The following CFAP299 variants were observed in gnomAD, a reference collection of about 807,000 sequenced individuals.
CFAP299 encodes the protein cilia and flagella associated protein 299.
Under a neutral mutation model 27.0 loss-of-function variants are expected in CFAP299, and 21 were observed. The ratio of observed to expected loss-of-function variants is 0.78; its 90% CI spans 0.55 to 1.12. CFAP299 has a LOEUF of 1.12. Among genes scored for constraint, CFAP299 ranks in the 50% most tolerant of loss-of-function variants. CFAP299 has a pLI of 0.00. For synonymous variants in CFAP299, 104 were observed against 98.1 expected, an observed-to-expected ratio of 1.06 and a Z score of -0.36; for missense variants, 310 against 276.6, an observed-to-expected ratio of 1.12 and a Z score of -0.86.
intron 4 of CFAP299, among the ~76,000 whole-genome samples, chr4:80,919,729 G>A (rs890607783): frequency 1.3e-5 from 2 of 152,092 alleles, no homozygotes; most frequent in Non-Finnish European, 2.9e-5. Context: ...TACATTAAGT[G>A]TAAATTATTC....
At chr4:80,863,039 A>T (rs1300627531) in intron 3 of CFAP299, among the ~76,000 whole-genome samples, 1 of 152,112 alleles carries the variant, frequency 6.6e-6, no homozygotes, top group Non-Finnish European at 1.5e-5. Context: ...CATTCAAGAG[A>T]TTTAAAATTC....
chr4:80,710,578 CT>C (rs5859734), intron 3 of CFAP299, among the ~76,000 whole-genome samples: 8 of 138,888 alleles, frequency 5.8e-5, no homozygotes, highest in African/African-American at 8.0e-5. Flanking sequence ...AGAAATAAGA[CT>C]TTTTTTTTTT....
chr4:80,525,893 T>C (rs1733151554), intron 2 of CFAP299, among the ~76,000 whole-genome samples: 1 of 152,212 alleles, frequency 6.6e-6, no homozygotes, highest in South Asian at 2.1e-4. Context: ...ATAACCTGTA[T>C]GAACAAAGGG....
intron 2 of CFAP299, among the ~76,000 whole-genome samples, chr4:80,454,424 A>G (rs1235962104): frequency 6.6e-6 from 1 of 152,218 alleles, no homozygotes; most frequent in African/African-American, 2.4e-5. Context: ...GAACATGGAC[A>G]GCTGGTATTG....
intron 3 of CFAP299, among the ~76,000 whole-genome samples, chr4:80,863,644 A>C (rs954702211): frequency 1.3e-5 from 2 of 152,126 alleles, no homozygotes; most frequent in Non-Finnish European, 2.9e-5. Flanking sequence ...ATGGTTAACC[A>C]AAAACTAGTA....
intron 4 of CFAP299, among the ~76,000 whole-genome samples, chr4:80,893,223 A>C (rs1299271710): frequency 6.6e-6 from 1 of 151,568 alleles, no homozygotes; most frequent in East Asian, 1.9e-4. Context: ...ACATTGATGA[A>C]AGAAATTGAA....
intron 1 of CFAP299, among the ~76,000 whole-genome samples, chr4:80,338,468 T>A (rs1001669911): frequency 2.6e-4 from 39 of 152,158 alleles, no homozygotes; most frequent in African/African-American, 9.4e-4. Context: ...GTCACAAGAT[T>A]TTTTTTTGGT....
rs1164692642 is a variant in CFAP299 at position 80,944,804 on chromosome 4, T to G, written c.477-6T>G. ...CTTAATTCCTAATAAATGTTTATTT[T>G]TATAGCTTTTACAACTGGGACGCTG... is the stretch of plus-strand genomic sequence containing the variant. On this transcript the variant is annotated splice_region_variant and splice_polypyrimidine_tract_variant and intron_variant, in intron 4 of 5. Transcript: ENST00000358105. 2 of 1,583,522 alleles carry G rather than the reference T, an allele frequency of 1.3e-6. No homozygotes were observed. Among genetic ancestry groups the G allele is most frequent in the African/African-American group, 2.7e-5 (2 of 73,354 alleles).
At chr4:80,861,618 A>C (rs1471332337) in intron 3 of CFAP299, among the ~76,000 whole-genome samples, 3 of 152,200 alleles carry the variant, frequency 2.0e-5, no homozygotes, top group African/African-American at 7.2e-5. Context: ...GTAATGAAAG[A>C]TACCCACTTG....
intron 2 of CFAP299, among the ~76,000 whole-genome samples, chr4:80,462,542 C>CA (rs1729488883): frequency 6.6e-6 from 1 of 152,166 alleles, no homozygotes; most frequent in African/African-American, 2.4e-5. Context: ...TTCTCTGACA[C>CA]AGAGTTTGGG....
intron 2 of CFAP299, among the ~76,000 whole-genome samples, chr4:80,536,512 A>T (rs2110193734): frequency 6.6e-6 from 1 of 152,320 alleles, no homozygotes; most frequent in South Asian, 2.1e-4. Flanking sequence ...TACCATAAAA[A>T]CAGATATAAA....
intron 3 of CFAP299, among the ~76,000 whole-genome samples, chr4:80,723,118 G>T (rs1429568393): frequency 2.0e-5 from 3 of 152,102 alleles, no homozygotes; most frequent in African/African-American, 4.8e-5. Flanking sequence ...GCAAGGATGT[G>T]GAAGACCTGG....
chr4:80,721,119 G>A (rs1372506257), intron 3 of CFAP299, among the ~76,000 whole-genome samples: 3 of 152,078 alleles, frequency 2.0e-5, no homozygotes, highest in Non-Finnish European at 4.4e-5. Context: ...GAGATAACTT[G>A]AAGCAACCTA....
At chr4:80,341,510 C>A (rs533646572) in intron 1 of CFAP299, among the ~76,000 whole-genome samples, 1 of 152,140 alleles carries the variant, frequency 6.6e-6, no homozygotes, top group Non-Finnish European at 1.5e-5. Context: ...TGTTTCACAG[C>A]CTTCACTGGT....
At chr4:80,502,566 TG>T (rs1731797059) in intron 2 of CFAP299, among the ~76,000 whole-genome samples, 2 of 152,094 alleles carry the variant, frequency 1.3e-5, no homozygotes, top group African/African-American at 2.4e-5. Context: ...ATCTGATTTC[TG>T]TATAGCATTT....
chr4:80,891,312 T>A (rs1307279207), intron 4 of CFAP299, among the ~76,000 whole-genome samples: 2 of 151,538 alleles, frequency 1.3e-5, no homozygotes, highest in South Asian at 4.2e-4. Flanking sequence ...ATTTATTAAA[T>A]AGGGAATCCT....
intron 2 of CFAP299, among the ~76,000 whole-genome samples, chr4:80,458,324 C>A (rs866241118): frequency 8.5e-5 from 13 of 152,158 alleles, no homozygotes; most frequent in African/African-American, 3.1e-4. Context: ...GGGAATGGAA[C>A]CCAGGCTGCG....
intron 4 of CFAP299, among the ~76,000 whole-genome samples, chr4:80,890,995 C>G (rs1436632300): frequency 6.6e-6 from 1 of 152,036 alleles, no homozygotes; most frequent in Non-Finnish European, 1.5e-5. Context: ...CGAAAATTCT[C>G]TCCATTTTGT....
chr4:80,797,945 T>C (rs1727966882), intron 3 of CFAP299, among the ~76,000 whole-genome samples: 1 of 152,140 alleles, frequency 6.6e-6, no homozygotes, highest in African/African-American at 2.4e-5. Flanking sequence ...AGAACCTTTT[T>C]TAACTGCTTG....
Sources: gnomAD v4.1 joint callset for allele counts (sites outside exome capture counted in the v4.1 genomes callset) on GRCh38, gnomAD v4.1.1 for gene constraint, MANE v1.5 for transcripts, NCBI Gene and HGNC (gene_info 2026-07-23, HGNC 2026-07-21) for gene names.